The following C1GALT1 variants were observed in gnomAD, a reference collection of about 807,000 sequenced individuals.
C1GALT1 encodes the protein glycoprotein-N-acetylgalactosamine 3-beta-galactosyltransferase 1.
A neutral mutation model predicts 31.0 loss-of-function variants in C1GALT1; 11 were observed. The ratio of observed to expected loss-of-function variants is 0.36; its 90% CI spans 0.22 to 0.59. C1GALT1 has a LOEUF of 0.59. Ranked by LOEUF, C1GALT1 falls within the 20% of genes least tolerant of loss-of-function variation. The probability of loss-of-function intolerance (pLI) is 0.79; values close to 1 mark genes in which losing one functional copy is unlikely to be tolerated. For missense variants in C1GALT1, 424 were observed against 425.2 expected (o/e 1.00, Z 0.03); for synonymous variants, 175 against 143.6 (o/e 1.22, Z -1.56).
intron 1 of C1GALT1, among the ~76,000 whole-genome samples, chr7:7,220,714 GT>G (rs1782472709): frequency 6.6e-6 from 1 of 150,574 alleles, no homozygotes; most frequent in Non-Finnish European, 1.5e-5. Flanking sequence ...TAGAGATGGG[GT>G]TTCACCATGT....
At chr7:7,234,583 G>C in intron 2 of C1GALT1, 44 bp downstream of exon 2, 1 of 1,462,626 alleles carries the variant, frequency 6.8e-7, no homozygotes, top group Non-Finnish European at 9.5e-7. Context: ...CAGTATTTTA[G>C]TCTAAATTTT....
chr7:7,213,221 G>C (rs1020842726), intron 1 of C1GALT1, among the ~76,000 whole-genome samples: 1 of 152,132 alleles, frequency 6.6e-6, no homozygotes, highest in African/African-American at 2.4e-5. Context: ...AATATAGCTT[G>C]ATTATAAACC....
At chr7:7,214,919 G>C (rs911946449) in intron 1 of C1GALT1, among the ~76,000 whole-genome samples, 5 of 152,196 alleles carry the variant, frequency 3.3e-5, no homozygotes, top group African/African-American at 1.2e-4. Flanking sequence ...ACAAGATTTT[G>C]ACCCTCCTTA....
intron 1 of C1GALT1, among the ~76,000 whole-genome samples, chr7:7,193,573 T>G (rs1214582492): frequency 6.6e-6 from 1 of 152,204 alleles, no homozygotes; most frequent in Non-Finnish European, 1.5e-5. Flanking sequence ...TTAGTTTAGT[T>G]TGAAGTCGGG....
intron 1 of C1GALT1, among the ~76,000 whole-genome samples, chr7:7,233,293 T>C (rs1783175915): frequency 6.6e-6 from 1 of 152,128 alleles, no homozygotes; most frequent in Non-Finnish European, 1.5e-5. Context: ...TGAGATAGTT[T>C]CACTCTTTTG....
At chr7:7,174,450 A>G (rs1056133999) in intron 2 of C1GALT1, among the ~76,000 whole-genome samples, 1 of 152,154 alleles carries the variant, frequency 6.6e-6, no homozygotes, top group Non-Finnish European at 1.5e-5. Context: ...GCCTTTCAAC[A>G]TGCCTACACT....
At chr7:7,210,723 T>G (rs1781961433) in intron 1 of C1GALT1, among the ~76,000 whole-genome samples, 1 of 152,148 alleles carries the variant, frequency 6.6e-6, no homozygotes, top group Admixed American at 6.5e-5. Context: ...CGCCATGATG[T>G]TCTACGCTCG....
intron 1 of C1GALT1, among the ~76,000 whole-genome samples, chr7:7,186,492 C>T (rs2128229983): frequency 6.6e-6 from 1 of 152,294 alleles, no homozygotes; most frequent in South Asian, 2.1e-4. Context: ...AGGCTCCATC[C>T]CAGAACTCTT....
intron 1 of C1GALT1, among the ~76,000 whole-genome samples, chr7:7,199,844 C>T (rs1781460486): frequency 6.6e-6 from 1 of 152,122 alleles, no homozygotes; most frequent in Admixed American, 6.5e-5. Context: ...TCTGTTTTAT[C>T]AGAGACTAGG....
At chr7:7,176,694 C>G (rs1780509540) in intron 2 of C1GALT1, among the ~76,000 whole-genome samples, 1 of 152,306 alleles carries the variant, frequency 6.6e-6, no homozygotes, top group African/African-American at 2.4e-5. Flanking sequence ...ATTTCTTCCT[C>G]TGCTCTATTC....
chr7:7,182,735 G>A lies in C1GALT1; in HGVS notation c.-103G>A. 1.1e-6 allele frequency: 1 copy of A among 913,664 alleles called. No individual in the cohort carries two copies. The highest frequency in any genetic ancestry group is 1.3e-6 in the Non-Finnish European group (1 of 764,314). The allele number at this position is 913,664 out of a possible 1,614,324, so 56.6% of individuals were successfully genotyped here. A position where few individuals can be genotyped will look rare whatever the true frequency, so the allele number is the denominator to read the frequency against. On this transcript the variant is annotated 5_prime_UTR_variant, in exon 1 of 4. Coordinates refer to ENST00000436587, the MANE Select transcript of C1GALT1 (RefSeq NM_020156.5). ...GCGGCCACGAGCCACTTCTGCGGCTGCCCAGAGAAGCAAAGGTCACCAGTC... is the reference window on the plus strand; with the variant it reads ...GCGGCCACGAGCCACTTCTGCGGCTACCCAGAGAAGCAAAGGTCACCAGTC...
At chr7:7,160,007 T>C (rs1780316835) in intron 2 of C1GALT1, among the ~76,000 whole-genome samples, 1 of 152,136 alleles carries the variant, frequency 6.6e-6, no homozygotes, top group Admixed American at 6.6e-5. Flanking sequence ...AATTGAGGGA[T>C]ATGTCTGCAC....
chr7:7,181,985 A>C (rs998896741), upstream of C1GALT1, among the ~76,000 whole-genome samples: 1 of 152,166 alleles, frequency 6.6e-6, no homozygotes, highest in Non-Finnish European at 1.5e-5. Context: ...CGAAGTGCTG[A>C]CAGAACCAAA....
intron 1 of C1GALT1, among the ~76,000 whole-genome samples, chr7:7,208,619 G>C (rs1049232103): frequency 4.6e-5 from 7 of 152,236 alleles, no homozygotes; most frequent in African/African-American, 1.7e-4. Flanking sequence ...ACCTCAGCTA[G>C]AGGGGGAGGG....
intron 1 of C1GALT1, among the ~76,000 whole-genome samples, chr7:7,206,580 G>A (rs552774286): frequency 1.0e-3 from 152 of 151,904 alleles, no homozygotes; most frequent in African/African-American, 3.5e-3. Flanking sequence ...GGAGGCTGAG[G>A]CAGGAGAATC....
intron 1 of C1GALT1, among the ~76,000 whole-genome samples, chr7:7,214,703 T>G (rs112854395): frequency 0.035 from 5,377 of 152,224 alleles, 198 homozygotes; most frequent in African/African-American, 0.099. Context: ...GCAACTCCAT[T>G]TGGTTTCCAG....
chr7:7,162,157 C>T (rs1780340834), intron 2 of C1GALT1, among the ~76,000 whole-genome samples: 1 of 148,348 alleles, frequency 6.7e-6, no homozygotes, highest in South Asian at 2.1e-4. Flanking sequence ...GGTACATGTG[C>T]ACAATGTGCA....
At chr7:7,216,074 T>G (rs1782226744) in intron 1 of C1GALT1, among the ~76,000 whole-genome samples, 1 of 152,126 alleles carries the variant, frequency 6.6e-6, no homozygotes, top group Non-Finnish European at 1.5e-5. Flanking sequence ...TGCAGAGGTT[T>G]ATTAGAAATG....
At chr7:7,183,777 T>C (rs1353534145) in intron 1 of C1GALT1, among the ~76,000 whole-genome samples, 1 of 152,054 alleles carries the variant, frequency 6.6e-6, no homozygotes, top group Non-Finnish European at 1.5e-5. Context: ...CTATATCCAT[T>C]GTACATACTA....
Sources: allele counts gnomAD v4.1 joint callset (sites outside exome capture counted in the v4.1 genomes callset), GRCh38; gene constraint gnomAD v4.1.1; transcripts MANE v1.5; gene names NCBI Gene and HGNC (gene_info 2026-07-23, HGNC 2026-07-21).